RPP40: variants seen among roughly 807,000 people sequenced by gnomAD.
The protein encoded by RPP40 is ribonuclease P/MRP subunit p40, also known as ribonuclease P protein subunit p40.
RPP40 carries 30 observed loss-of-function variants against 42.5 expected under a neutral mutation model. That is an observed-to-expected ratio of 0.71 (90% confidence interval 0.53 to 0.96). The LOEUF is 0.96. RPP40 is among the 40% of genes least tolerant of loss of function. The pLI is 0.00. For synonymous variants in RPP40, 173 were observed against 164.0 expected, an observed-to-expected ratio of 1.05 and a Z score of -0.42; for missense variants, 426 against 433.5, an observed-to-expected ratio of 0.98 and a Z score of 0.15.
intron 5 of RPP40, 83 bp from the exon 6 acceptor site, chr6:4,996,503 C>T (rs1281700779): frequency 2.4e-6 from 3 of 1,253,950 alleles, no homozygotes; most frequent in Non-Finnish European, 3.4e-6. Flanking sequence ...CCACCCATTC[C>T]CATCTGAGCG....
At position 5,002,040 on chromosome 6, in the gene RPP40, A is replaced by C. The variant is rs200459187; in HGVS notation, c.268+61T>G. On this transcript the variant is annotated intron_variant, in intron 2 of 7. Coordinates refer to ENST00000380051, the MANE Select transcript of RPP40 (RefSeq NM_006638.4). ...ACAAAACAACAGCCCTAGCATCGTG[A>C]TGTGGTCTCCCTACCCTTCCTCATC... 316 of 1,459,266 alleles carry C rather than the reference A, an allele frequency of 2.2e-4. 1 individual carries two copies. The highest frequency in any genetic ancestry group is 2.9e-4 in the Non-Finnish European group (312 of 1,059,156). The allele number at this position is 1,459,266 out of a possible 1,614,324, so 90.4% of individuals were successfully genotyped here. A position where few individuals can be genotyped will look rare whatever the true frequency, so the allele number is the denominator to read the frequency against.
rs907043512 is a variant in RPP40, at chr6:5,002,538, T to G, written c.124-293A>C. Among the ~76,000 whole-genome samples, 33 of 152,364 alleles carry G rather than the reference T, an allele frequency of 2.2e-4. 1 individual carries two copies. Among genetic ancestry groups the G allele is most frequent in the African/African-American group, 7.0e-4 (29 of 41,584 alleles). Reference sequence around the variant, plus strand: ...TTAATCTTTTGCAAATTAGCAATGCTGTATATTTTATGTCCTGTTCCTTTC... The same window carrying G: ...TTAATCTTTTGCAAATTAGCAATGCGGTATATTTTATGTCCTGTTCCTTTC... On this transcript the variant is annotated intron_variant, in intron 1 of 7. Coordinates refer to ENST00000380051, the MANE Select transcript of RPP40 (RefSeq NM_006638.4).
At chr6:4,999,986 G>C in intron 3 of RPP40, 82 bp from the exon 4 acceptor site, 1 of 787,226 alleles carries the variant, frequency 1.3e-6, no homozygotes, top group Non-Finnish European at 2.2e-6. Context: ...GGCAAATTGA[G>C]CAGTTAGATA....
intron 2 of RPP40, 115 bp from the exon 3 acceptor site, chr6:5,000,746 C>T: frequency 2.8e-6 from 2 of 704,334 alleles, no homozygotes; most frequent in Non-Finnish European, 5.0e-6. Flanking sequence ...TCAGTTTCTA[C>T]CCCTGCTCCA....
downstream of RPP40, among the ~76,000 whole-genome samples, chr6:4,991,941 T>C (rs1759265981): frequency 6.6e-6 from 1 of 152,172 alleles, no homozygotes; most frequent in Non-Finnish European, 1.5e-5. Context: ...CCTCCTGCTC[T>C]GGCCATGCTT....
intron 2 of RPP40, chr6:5,001,895 G>A (rs1759569256): frequency 3.9e-6 from 2 of 506,722 alleles, no homozygotes; most frequent in Admixed American, 6.6e-5. Flanking sequence ...TCCAACACTT[G>A]TGGCCAATTG....
chr6:4,998,802 T>G lies in RPP40; in HGVS notation c.473A>C (p.Asp158Ala). Residue 158 changes from aspartate to alanine, a missense_variant, in exon 5 of 8, where the codon GAT becomes GCT. Physicochemically the swap from Asp to Ala is moderately radical, Grantham distance 126 (BLOSUM62 -2). Transcript: ENST00000380051. The part of the protein sequence containing the change: ...IDLMELSLNL[D>A]SKKYERISWS... ...AGATATTCTTTCATACTTCTTAGAATCCAAGTTTAAGGATAATTCCATCAA... is the reference window on the plus strand; with the variant it reads ...AGATATTCTTTCATACTTCTTAGAAGCCAAGTTTAAGGATAATTCCATCAA... 2 of 1,493,942 alleles carry G rather than the reference T, an allele frequency of 1.3e-6. No individual in the cohort carries two copies. The highest frequency in any genetic ancestry group is 1.8e-6 in the Non-Finnish European group (2 of 1,094,902). The allele number at this position is 1,493,942 out of a possible 1,614,324, so 92.5% of individuals were successfully genotyped here.
chr6:5,003,666 C>T, intron 1 of RPP40: 2 of 535,590 alleles, frequency 3.7e-6, no homozygotes, highest in Non-Finnish European at 6.2e-6. Flanking sequence ...ACCGCCCCCA[C>T]GCCCGGCGCA....
the RPP40 span, among the ~76,000 whole-genome samples, chr6:4,989,021 A>G: frequency 6.7e-6 from 1 of 149,790 alleles, no homozygotes; most frequent in Non-Finnish European, 1.5e-5. Context: ...GGAGTTAGTG[A>G]TATCATGATT....
At chr6:5,000,781 G>A (rs1471702435) in intron 2 of RPP40, 150 bp from the exon 3 acceptor site, 2 of 619,222 alleles carry the variant, frequency 3.2e-6, no homozygotes, top group Non-Finnish European at 5.8e-6. Context: ...CCAAACATCT[G>A]CTAAGGGTAA....
intron 2 of RPP40, among the ~76,000 whole-genome samples, chr6:5,001,357 C>T (rs180682911): frequency 1.1e-4 from 17 of 152,300 alleles, no homozygotes; most frequent in East Asian, 3.9e-4. Context: ...AAAGGAATAA[C>T]GGTGATGAGA....
In RPP40 at chr6:4,999,802, T is replaced by C. The variant is rs753339743; in HGVS notation, c.433+7A>G. On this transcript the variant is annotated splice_region_variant and intron_variant, in intron 4 of 7. Transcript: ENST00000380051. Reference sequence around the variant, plus strand: ...TTAGAAACAGATGGAACACACATGATACTTACTAAATTTCATAATTTTTCT... The same window carrying C: ...TTAGAAACAGATGGAACACACATGACACTTACTAAATTTCATAATTTTTCT... The C allele has an allele frequency of 2.1e-5, 31 of 1,468,554 alleles. No homozygotes were observed. The Admixed American group carries it at 4.5e-4, about 21-fold the overall frequency. 91.0% of individuals were successfully genotyped at this position (1,468,554 alleles called of 1,614,324 possible). A position where few individuals can be genotyped will look rare whatever the true frequency, so the allele number is the denominator to read the frequency against.
At chr6:5,003,218 G>A (rs1446355032) in intron 1 of RPP40, among the ~76,000 whole-genome samples, 1 of 151,680 alleles carries the variant, frequency 6.6e-6, no homozygotes, top group Non-Finnish European at 1.5e-5. Flanking sequence ...GTGGTGGCGC[G>A]CGCCTGTAGA....
intron 1 of RPP40, among the ~76,000 whole-genome samples, chr6:5,002,465 G>A (rs1183526190): frequency 6.6e-6 from 1 of 152,224 alleles, no homozygotes; most frequent in Non-Finnish European, 1.5e-5. Flanking sequence ...GTACAGTACA[G>A]GAAGGGGATT....
rs1759334190 is a variant in RPP40, at chr6:4,995,203, A to T, written c.967T>A (p.Ser323Thr). The change falls in exon 8 of 8, where the codon TCT (serine) becomes ACT (threonine). Residue 323 changes from serine (S) to threonine (T), a missense_variant. Transcript: ENST00000380051. ...SVQGFADSPV[S>T]WEKNEHGFRK... The stretch of plus-strand genomic sequence containing the variant: ...AAACCATGTTCATTTTTTTCCCAAG[A>T]AACAGGGCTGTCTGCAAAGCCTTGA... 1.2e-6 allele frequency: 2 copies of T among 1,614,036 alleles called. No individual in the cohort carries two copies. Among genetic ancestry groups the T allele is most frequent in the African/African-American group, 2.7e-5 (2 of 74,910 alleles).
chr6:4,991,838 T>A (rs143448628), downstream of RPP40, among the ~76,000 whole-genome samples: 2 of 152,290 alleles, frequency 1.3e-5, no homozygotes, highest in East Asian at 3.9e-4. Context: ...GATTGGCTCA[T>A]GGGGGTGGAT....
downstream of RPP40, among the ~76,000 whole-genome samples, chr6:4,993,697 A>G (rs1759293258): frequency 6.6e-6 from 1 of 152,192 alleles, no homozygotes. Flanking sequence ...AGGTGGTGCA[A>G]ACAAGCCACC....
chr6:5,001,374 A>G (rs1759553416), intron 2 of RPP40, among the ~76,000 whole-genome samples: 1 of 152,216 alleles, frequency 6.6e-6, no homozygotes, highest in South Asian at 2.1e-4. Flanking sequence ...GAGACCAGAC[A>G]AGATGCCCAG....
Position 4,998,748 on chromosome 6 carries a change from T to G in RPP40, c.527A>C (p.Lys176Thr), listed in dbSNP as rs2127541494. The G allele has an allele frequency of 1.2e-5, 19 of 1,563,236 alleles. No individual in the cohort carries two copies. Among genetic ancestry groups the G allele is most frequent in the Non-Finnish European group, 1.7e-5 (19 of 1,148,590 alleles). The change falls in exon 5 of 8, where the codon AAA (lysine) becomes ACA (threonine). Residue 176 changes from lysine to threonine, a missense_variant. Transcript: ENST00000380051. ...SWSFKEKKPL[K>T]FDFLLAWHKT... ...ATGCCAAGCCAAAAGAAAATCAAAT[T>G]TCAATGGCTTCTTTTCTTTGAAAGA...
Sources: gnomAD v4.1 joint callset for allele counts (sites outside exome capture counted in the v4.1 genomes callset) on GRCh38, gnomAD v4.1.1 for gene constraint, MANE v1.5 for transcripts, NCBI Gene and HGNC (gene_info 2026-07-23, HGNC 2026-07-21) for gene names.